The following PCDH9 variants were observed in gnomAD, a reference collection of about 807,000 sequenced individuals.
PCDH9 encodes protocadherin 9.
In PCDH9, 24 loss-of-function variants were observed where a neutral mutation model predicts 70.6. The observed-to-expected ratio is 0.34, with a 90% CI of 0.25 to 0.48. The LOEUF (loss-of-function observed/expected upper bound fraction) is 0.48. Among genes scored for constraint, PCDH9 ranks in the 20% least tolerant of loss-of-function variants. The pLI, the probability that PCDH9 is intolerant of heterozygous loss-of-function variation, is 0.99. For synonymous variants in PCDH9, 562 were observed against 558.5 expected, an observed-to-expected ratio of 1.01 and a Z score of -0.09; for missense variants, 1,281 against 1,503.6, an observed-to-expected ratio of 0.85 and a Z score of 2.45.
chr13:66,568,126 G>A (rs2076678543), intron 4 of PCDH9, among the ~76,000 whole-genome samples: 1 of 152,022 alleles, frequency 6.6e-6, no homozygotes, highest in African/African-American at 2.4e-5. Context: ...ATGAAGGTGG[G>A]GCCCTAATCT....
intron 2 of PCDH9, among the ~76,000 whole-genome samples, chr13:67,144,801 G>T (rs2087481095): frequency 6.6e-6 from 1 of 152,090 alleles, no homozygotes; most frequent in African/African-American, 2.4e-5. Context: ...CAAATGTTCT[G>T]TAACTCACTA....
intron 3 of PCDH9, among the ~76,000 whole-genome samples, chr13:66,684,273 C>G (rs1887761114): frequency 6.6e-6 from 1 of 152,128 alleles, no homozygotes; most frequent in South Asian, 2.1e-4. Flanking sequence ...GAAAATTGAT[C>G]ATTTCTCTGA....
chr13:67,053,193 T>A (rs1195129096), intron 2 of PCDH9, among the ~76,000 whole-genome samples: 3 of 152,136 alleles, frequency 2.0e-5, no homozygotes, highest in Admixed American at 2.0e-4. Context: ...ATCCAACTCA[T>A]TTTTTTAAAT....
chr13:66,980,128 C>A (rs926704381), intron 2 of PCDH9, among the ~76,000 whole-genome samples: 3 of 149,466 alleles, frequency 2.0e-5, no homozygotes, highest in African/African-American at 7.5e-5. Flanking sequence ...ATCTATCTAT[C>A]TATCATCACT....
At chr13:67,070,233 A>G (rs1280020311) in intron 2 of PCDH9, among the ~76,000 whole-genome samples, 1 of 152,030 alleles carries the variant, frequency 6.6e-6, no homozygotes, top group African/African-American at 2.4e-5. Flanking sequence ...CCTACCAAAA[A>G]AAGGTAAAGA....
chr13:66,675,162 C>G (rs1422313908), intron 3 of PCDH9, among the ~76,000 whole-genome samples: 5 of 152,046 alleles, frequency 3.3e-5, no homozygotes, highest in Non-Finnish European at 4.4e-5. Context: ...AAAACCTATA[C>G]TCACATTTTG....
At chr13:66,627,161 C>A (rs2077510225) in intron 4 of PCDH9, among the ~76,000 whole-genome samples, 1 of 152,050 alleles carries the variant, frequency 6.6e-6, no homozygotes, top group South Asian at 2.1e-4. Flanking sequence ...AAACAGAAAT[C>A]TAGATAAGTA....
Position 66,631,265 on chromosome 13 carries a change from G to A in PCDH9, c.3285C>T (p.Asp1095=), listed in dbSNP as rs769800789. The change falls in exon 4 of 5, where the codon GAC becomes GAT. Residue 1095 remains aspartate (D), a synonymous_variant. Coordinates refer to ENST00000377865, the MANE Select transcript of PCDH9 (RefSeq NM_203487.3). The part of the protein sequence containing the change: ...PLVQPQDEFY[D]QASPDKRTEA... ...CAGTCCTCTTGTCCGGAGAGGCCTG[G>A]TCATAGAATTCGTCCTGTGGCTGAA... 12 of 1,610,948 alleles carry A rather than the reference G, an allele frequency of 7.4e-6. No individual in the cohort carries two copies. The highest frequency in any genetic ancestry group is 3.3e-4 in the Middle Eastern group (2 of 6,082).
chr13:66,721,732 G>C (rs1276785587), intron 3 of PCDH9, among the ~76,000 whole-genome samples: 1 of 152,128 alleles, frequency 6.6e-6, no homozygotes, highest in East Asian at 1.9e-4. Flanking sequence ...ATCACTGCTA[G>C]GCCTCTCATA....
intron 4 of PCDH9, among the ~76,000 whole-genome samples, chr13:66,515,758 TAGA>T (rs1959702108): frequency 1.3e-5 from 2 of 152,052 alleles, no homozygotes; most frequent in African/African-American, 4.8e-5. Flanking sequence ...ATGAATTATG[TAGA>T]AGAATTGTAA....
intron 2 of PCDH9, among the ~76,000 whole-genome samples, chr13:67,176,506 T>C (rs1318460168): frequency 6.7e-6 from 1 of 149,226 alleles, no homozygotes; most frequent in Admixed American, 6.7e-5. Context: ...TTGAATGGTT[T>C]TCAAAAATAA....
chr13:67,177,950 A>G (rs1296743625), intron 2 of PCDH9, among the ~76,000 whole-genome samples: 1 of 152,090 alleles, frequency 6.6e-6, no homozygotes, highest in Non-Finnish European at 1.5e-5. Context: ...CCTAAGATCA[A>G]TCTTCTGTGT....
At chr13:66,828,704 A>T (rs2139400665) in intron 3 of PCDH9, among the ~76,000 whole-genome samples, 1 of 152,246 alleles carries the variant, frequency 6.6e-6, no homozygotes, top group East Asian at 1.9e-4. Context: ...GAGAGGGAGA[A>T]ACATAGAATA....
intron 2 of PCDH9, among the ~76,000 whole-genome samples, chr13:67,178,058 C>T (rs534655467): frequency 6.6e-6 from 1 of 152,180 alleles, no homozygotes; most frequent in South Asian, 2.1e-4. Flanking sequence ...GTACAATATA[C>T]AAACAGGCAC....
intron 3 of PCDH9, among the ~76,000 whole-genome samples, chr13:66,892,867 A>G (rs1044966224): frequency 6.6e-6 from 1 of 152,150 alleles, no homozygotes; most frequent in African/African-American, 2.4e-5. Flanking sequence ...TACACATACA[A>G]GCACACCTTT....
intron 3 of PCDH9, among the ~76,000 whole-genome samples, chr13:66,769,706 C>A (rs2079775013): frequency 6.6e-6 from 1 of 152,026 alleles, no homozygotes; most frequent in Admixed American, 6.6e-5. Context: ...ATGTTCATTG[C>A]AACAAACACT....
intron 4 of PCDH9, among the ~76,000 whole-genome samples, chr13:66,497,814 C>CTTTTTTTTTTTTTT (rs763360211): frequency 1.8e-5 from 2 of 111,324 alleles, no homozygotes; most frequent in East Asian, 5.8e-4. Context: ...CACACTCTTA[C>CTTTTTTTTTTTTTT]TTTTTTTTTT....
At chr13:66,617,802 A>C (rs1178380919) in intron 4 of PCDH9, among the ~76,000 whole-genome samples, 1 of 152,134 alleles carries the variant, frequency 6.6e-6, no homozygotes, top group Non-Finnish European at 1.5e-5. Context: ...GGAGCCTCTG[A>C]TGATGGCCCC....
intron 2 of PCDH9, among the ~76,000 whole-genome samples, chr13:66,904,623 A>G (rs963593621): frequency 1.3e-5 from 2 of 152,024 alleles, no homozygotes; most frequent in African/African-American, 2.4e-5. Context: ...CAAAACTAGT[A>G]TGCCATGTTT....
Sources: allele counts gnomAD v4.1 joint callset (sites outside exome capture counted in the v4.1 genomes callset), GRCh38; gene constraint gnomAD v4.1.1; transcripts MANE v1.5; gene names NCBI Gene and HGNC (gene_info 2026-07-23, HGNC 2026-07-21).